GRM3: variants seen among roughly 807,000 people sequenced by gnomAD.
The protein encoded by GRM3 is glutamate metabotropic receptor 3.
Under a neutral mutation model 70.5 loss-of-function variants are expected in GRM3, and 26 were observed. The ratio of observed to expected loss-of-function variants is 0.37; its 90% CI spans 0.27 to 0.51. The LOEUF is 0.51. Ranked by LOEUF, GRM3 falls within the 20% of genes least tolerant of loss-of-function variation. The pLI is 0.93. For synonymous variants in GRM3, 443 were observed against 434.9 expected (o/e 1.02, Z -0.23); for missense variants, 859 against 1,123.8 (o/e 0.76, Z 3.37).
chr7:86,741,324 T>C (rs1795986355), intron 1 of GRM3, among the ~76,000 whole-genome samples: 1 of 152,082 alleles, frequency 6.6e-6, no homozygotes, highest in Non-Finnish European at 1.5e-5. Context: ...CTAAAAAACA[T>C]TCAGTTTATA....
chr7:86,695,272 G>A (rs763811835), intron 1 of GRM3, among the ~76,000 whole-genome samples: 1 of 152,130 alleles, frequency 6.6e-6, no homozygotes, highest in Non-Finnish European at 1.5e-5. Context: ...TTAGAAAGGT[G>A]TTCATTATGA....
At chr7:86,827,696 T>A (rs936940831) in intron 3 of GRM3, among the ~76,000 whole-genome samples, 5 of 152,102 alleles carry the variant, frequency 3.3e-5, no homozygotes, top group African/African-American at 7.2e-5. Context: ...GTATTTTTAG[T>A]AGAGAAGAAG....
intron 3 of GRM3, among the ~76,000 whole-genome samples, chr7:86,805,778 T>C (rs1797777428): frequency 6.6e-6 from 1 of 152,242 alleles, no homozygotes. Context: ...TTTTAAGTTC[T>C]AGGGTACATG....
intron 1 of GRM3, among the ~76,000 whole-genome samples, chr7:86,653,911 A>T (rs1584140462): frequency 6.6e-6 from 1 of 152,152 alleles, no homozygotes; most frequent in East Asian, 1.9e-4. Context: ...CTTAAAATTC[A>T]AATTGTCTTT....
At position 86,765,108 on chromosome 7, in the gene GRM3, C is replaced by T. The variant is rs2116414191; in HGVS notation, c.-38C>T. The T allele has an allele frequency of 6.5e-7, 1 of 1,527,060 alleles. No homozygotes were observed. Among genetic ancestry groups the T allele is most frequent in the South Asian group, 1.3e-5 (1 of 74,708 alleles). 94.6% of individuals were successfully genotyped at this position (1,527,060 alleles called of 1,614,324 possible). A position where few individuals can be genotyped will look rare whatever the true frequency, so the allele number is the denominator to read the frequency against. ...GAGGACTAGCATGACACATTGGCTC[C>T]ACCATTGATATCTCCCAGAGGTACA... is the stretch of plus-strand genomic sequence containing the variant. On this transcript the variant is annotated 5_prime_UTR_variant, in exon 2 of 6. Transcript: ENST00000361669.
rs1798734978 is a variant in GRM3 at position 86,850,462 on chromosome 7, T to A, written c.2484T>A (p.Phe828Leu). 35 of 1,612,374 alleles carry A rather than the reference T, an allele frequency of 2.2e-5. No individual in the cohort carries two copies. In the East Asian group the frequency reaches 7.8e-4, roughly 36 times the overall value. Residue 828 changes from phenylalanine (F) to leucine (L), a missense_variant, in exon 5 of 6, where the codon TTT becomes TTA. Physicochemically the swap from Phe to Leu is conservative, Grantham distance 22. Transcript: ENST00000361669. ...LFAPKVHIIL[F>L]QPQKNVVTHR... ...CACCCAAGGTTCACATCATCCTGTT[T>A]CAACCCCAGAAGAATGTTGTCACAC...
chr7:86,770,943 C>G (rs76562229), intron 2 of GRM3, among the ~76,000 whole-genome samples: 6,025 of 152,108 alleles, frequency 0.04, 377 homozygotes, highest in African/African-American at 0.14. Context: ...AGCATCACCA[C>G]CCTCTACCCA....
At chr7:86,750,500 G>A (rs2116357684) in intron 1 of GRM3, among the ~76,000 whole-genome samples, 1 of 152,178 alleles carries the variant, frequency 6.6e-6, no homozygotes. Flanking sequence ...GAAAAAGCAT[G>A]AGGAGTTATC....
intron 3 of GRM3, among the ~76,000 whole-genome samples, chr7:86,825,384 T>C (rs1195858126): frequency 1.3e-5 from 2 of 152,232 alleles, no homozygotes; most frequent in African/African-American, 2.4e-5. Context: ...GTGGATATGC[T>C]TGAAGATTTG....
intron 3 of GRM3, among the ~76,000 whole-genome samples, chr7:86,819,566 A>G (rs189631885): frequency 1.6e-4 from 24 of 152,230 alleles, no homozygotes; most frequent in African/African-American, 5.1e-4. Flanking sequence ...CCGAGTTGAA[A>G]CTAATGCCAT....
At chr7:86,799,172 A>G in intron 3 of GRM3, among the ~76,000 whole-genome samples, 1 of 152,166 alleles carries the variant, frequency 6.6e-6, no homozygotes. Context: ...GTTGGTGTAT[A>G]GGAATGCTTG....
chr7:86,853,066 G>A (rs1798782810), intron 5 of GRM3, among the ~76,000 whole-genome samples: 1 of 152,072 alleles, frequency 6.6e-6, no homozygotes, highest in Non-Finnish European at 1.5e-5. Context: ...TAACGAATAG[G>A]ACGGAATCCC....
chr7:86,795,445 G>T (rs974913827), intron 3 of GRM3, among the ~76,000 whole-genome samples: 35 of 151,942 alleles, frequency 2.3e-4, no homozygotes, highest in African/African-American at 8.4e-4. Flanking sequence ...TATTGATCCT[G>T]GTGTTCTCCC....
At chr7:86,773,927 T>C (rs570872528) in intron 2 of GRM3, among the ~76,000 whole-genome samples, 37 of 152,236 alleles carry the variant, frequency 2.4e-4, no homozygotes, top group African/African-American at 8.7e-4. Flanking sequence ...AGGACCACTG[T>C]TCACAAGGCA....
chr7:86,704,425 GA>G (rs1795012672), intron 1 of GRM3, among the ~76,000 whole-genome samples: 1 of 151,746 alleles, frequency 6.6e-6, no homozygotes, highest in African/African-American at 2.4e-5. Flanking sequence ...ACCACAAAAG[GA>G]AATCATCGTT....
At chr7:86,787,367 T>C (rs1367196215) in intron 3 of GRM3, among the ~76,000 whole-genome samples, 1 of 152,218 alleles carries the variant, frequency 6.6e-6, no homozygotes, top group African/African-American at 2.4e-5. Flanking sequence ...CCCACTGTGG[T>C]AGCTCCCTAG....
intron 1 of GRM3, among the ~76,000 whole-genome samples, chr7:86,660,039 G>A (rs1051071884): frequency 7.9e-5 from 12 of 152,022 alleles, no homozygotes. Context: ...TCTTTTACCT[G>A]TCCATCTAGC....
At chr7:86,861,738 G>A (rs1584285374) in intron 5 of GRM3, among the ~76,000 whole-genome samples, 1 of 152,168 alleles carries the variant, frequency 6.6e-6, no homozygotes, top group African/African-American at 2.4e-5. Flanking sequence ...AGGGGGACAT[G>A]GTCCAAATTA....
At chr7:86,778,886 C>A (rs534467311) in intron 2 of GRM3, among the ~76,000 whole-genome samples, 3 of 152,178 alleles carry the variant, frequency 2.0e-5, no homozygotes, top group Middle Eastern at 3.4e-3. Flanking sequence ...AAAATGGTGT[C>A]ATTGCTTATG....
Sources: allele counts gnomAD v4.1 joint callset (sites outside exome capture counted in the v4.1 genomes callset), GRCh38; gene constraint gnomAD v4.1.1; transcripts MANE v1.5; gene names NCBI Gene and HGNC (gene_info 2026-07-23, HGNC 2026-07-21).